Variants in RBMS3 observed in about 807,000 individuals in gnomAD.
RBMS3 encodes the protein RNA binding motif single stranded interacting protein 3.
RBMS3 carries 27 observed loss-of-function variants against 66.8 expected under a neutral mutation model. The observed-to-expected ratio is 0.40, with a 90% confidence interval of 0.30 to 0.56. RBMS3 has a LOEUF of 0.56. Ranked by LOEUF, RBMS3 falls within the 20% of genes least tolerant of loss-of-function variation. The probability of loss-of-function intolerance (pLI) is 0.40; values close to 1 mark genes in which losing one functional copy is unlikely to be tolerated. For synonymous variants in RBMS3, 188 were observed against 183.0 expected, an observed-to-expected ratio of 1.03 and a Z score of -0.22; for missense variants, 513 against 549.5, an observed-to-expected ratio of 0.93 and a Z score of 0.66.
At chr3:29,965,787 G>T (rs957810112) in intron 12 of RBMS3, among the ~76,000 whole-genome samples, 1 of 152,126 alleles carries the variant, frequency 6.6e-6, no homozygotes. Flanking sequence ...TGGGTTGTTG[G>T]TCATGAAATC....
intron 7 of RBMS3, among the ~76,000 whole-genome samples, chr3:29,879,238 G>C (rs1256780143): frequency 2.0e-5 from 3 of 152,064 alleles, no homozygotes; most frequent in South Asian, 2.1e-4. Context: ...GTTCACTAAA[G>C]GTTTCTAAGT....
chr3:29,701,641 G>A (rs2052585269), intron 4 of RBMS3, among the ~76,000 whole-genome samples: 4 of 152,166 alleles, frequency 2.6e-5, no homozygotes, highest in Admixed American at 2.6e-4. Flanking sequence ...GTTCTGGGTG[G>A]GCGTGGGCTG....
chr3:29,615,353 C>G (rs994773465), intron 4 of RBMS3: 1 of 152,108 alleles, frequency 6.6e-6, no homozygotes, highest in Non-Finnish European at 1.5e-5. Context: ...AATCTTAAGA[C>G]TACCTCTGAA....
intron 1 of RBMS3, among the ~76,000 whole-genome samples, chr3:29,408,640 T>A (rs930788186): frequency 1.6e-4 from 25 of 152,156 alleles, no homozygotes; most frequent in Non-Finnish European, 1.5e-5. Flanking sequence ...ACACTTTTTT[T>A]ATATATATAT....
At chr3:29,589,447 G>A (rs998683051) in intron 4 of RBMS3, among the ~76,000 whole-genome samples, 2 of 152,060 alleles carry the variant, frequency 1.3e-5, no homozygotes, top group East Asian at 1.9e-4. Context: ...TCTGCTCAAA[G>A]ATTTTACCTT....
At chr3:29,423,364 T>C (rs1407001278) in intron 1 of RBMS3, among the ~76,000 whole-genome samples, 1 of 152,220 alleles carries the variant, frequency 6.6e-6, no homozygotes, top group Non-Finnish European at 1.5e-5. Flanking sequence ...AATTATATTT[T>C]TACTTCCTAC....
chr3:29,736,338 A>G (rs914334228), intron 4 of RBMS3, among the ~76,000 whole-genome samples: 4 of 152,196 alleles, frequency 2.6e-5, no homozygotes, highest in African/African-American at 7.2e-5. Flanking sequence ...TTGAATTTGG[A>G]TTCAGAAAAT....
At chr3:29,905,396 T>C (rs1221256175) in intron 10 of RBMS3, among the ~76,000 whole-genome samples, 1 of 152,054 alleles carries the variant, frequency 6.6e-6, no homozygotes, top group African/African-American at 2.4e-5. Flanking sequence ...AAGTTTATTT[T>C]ATAGCATGAG....
At position 30,009,786 on chromosome 3, in the gene RBMS3, A is replaced by G. The variant is rs1699910231; in HGVS notation, c.*5924A>G. The G allele has an allele frequency of 6.6e-6, 1 of 152,218 alleles. No individual in the cohort carries two copies. Among genetic ancestry groups the G allele is most frequent in the Non-Finnish European group, 1.5e-5 (1 of 68,032 alleles). The allele number at this position is 152,218 out of a possible 1,614,324, so 9.4% of individuals were successfully genotyped here. A position where few individuals can be genotyped will look rare whatever the true frequency, so the allele number is the denominator to read the frequency against. On this transcript the variant is annotated 3_prime_UTR_variant, in exon 15 of 15. Coordinates refer to ENST00000383767, the MANE Select transcript of RBMS3 (RefSeq NM_001003793.3). ...ATCACATCAAATTTAAACAATGTCC[A>G]AAGTGTAACTTTAATGTTATATTTT...
chr3:29,861,084 C>G (rs1559746511), intron 6 of RBMS3, among the ~76,000 whole-genome samples: 1 of 152,114 alleles, frequency 6.6e-6, no homozygotes, highest in Admixed American at 6.5e-5. Flanking sequence ...AGGATGTTCT[C>G]GATCTTCTGA....
intron 4 of RBMS3, among the ~76,000 whole-genome samples, chr3:29,681,488 A>T (rs778124674): frequency 2.7e-5 from 4 of 147,270 alleles, no homozygotes; most frequent in Non-Finnish European, 5.9e-5. Flanking sequence ...AGTCTTCCTT[A>T]TGCTCTCCAT....
chr3:29,801,371 G>A (rs982622904), intron 6 of RBMS3, among the ~76,000 whole-genome samples: 14 of 150,058 alleles, frequency 9.3e-5, no homozygotes, highest in African/African-American at 3.4e-4. Flanking sequence ...GGGCTCAAGC[G>A]ATTCTCCTGC....
At chr3:29,844,796 G>A (rs949243261) in intron 6 of RBMS3, among the ~76,000 whole-genome samples, 1 of 152,200 alleles carries the variant, frequency 6.6e-6, no homozygotes, top group African/African-American at 2.4e-5. Flanking sequence ...GGAATTAAAT[G>A]AGGTATTGTA....
At chr3:29,720,691 A>T in intron 4 of RBMS3, among the ~76,000 whole-genome samples, 1 of 100,276 alleles carries the variant, frequency 1.0e-5, no homozygotes, top group Non-Finnish European at 2.2e-5. Context: ...GTTCCCTGTA[A>T]GAATCTGTGT....
intron 3 of RBMS3, among the ~76,000 whole-genome samples, chr3:29,533,205 C>T (rs2045429732): frequency 6.6e-6 from 1 of 152,090 alleles, no homozygotes; most frequent in South Asian, 2.1e-4. Context: ...GGGCTAGGTA[C>T]AGTGGCTCAT....
At position 29,384,321 on chromosome 3, in the gene RBMS3, AAAAC is replaced by A. The variant is rs914893409; in HGVS notation, c.76-50406_76-50403del. On this transcript the variant is annotated intron_variant, in intron 1 of 14. Coordinates refer to ENST00000383767, the MANE Select transcript of RBMS3 (RefSeq NM_001003793.3). The stretch of plus-strand genomic sequence containing the variant: ...TCAGAGTGAGACTCTGTCTCAGGAA[AAAAC>A]AAACAAACAAACAAATAAAACAATT... Among the ~76,000 whole-genome samples, 12 of 152,168 alleles carry A rather than the reference AAAAC, an allele frequency of 7.9e-5. No homozygotes were observed. The East Asian group carries it at 9.6e-4, about 12-fold the overall frequency.
intron 5 of RBMS3, among the ~76,000 whole-genome samples, chr3:29,751,221 T>C (rs1318791375): frequency 6.6e-6 from 1 of 152,212 alleles, no homozygotes; most frequent in Non-Finnish European, 1.5e-5. Flanking sequence ...AAATTCTTGT[T>C]CTAAGGAGAA....
intron 3 of RBMS3, among the ~76,000 whole-genome samples, chr3:29,540,887 A>G (rs371922656): frequency 6.6e-6 from 1 of 152,202 alleles, no homozygotes; most frequent in Non-Finnish European, 1.5e-5. Flanking sequence ...GCAATTTAAC[A>G]TAGGGATGGA....
chr3:29,964,930 C>T (rs955194052), intron 12 of RBMS3, among the ~76,000 whole-genome samples: 1 of 152,044 alleles, frequency 6.6e-6, no homozygotes, highest in African/African-American at 2.4e-5. Context: ...CCTTTTTGTC[C>T]TCATAGCTTA....
Sources: gnomAD v4.1 joint callset for allele counts (sites outside exome capture counted in the v4.1 genomes callset) on GRCh38, gnomAD v4.1.1 for gene constraint, MANE v1.5 for transcripts, NCBI Gene and HGNC (gene_info 2026-07-23, HGNC 2026-07-21) for gene names.